The following TVP23C variants were observed in gnomAD, a reference collection of about 807,000 sequenced individuals.
TVP23C encodes the protein trans-golgi network vesicle protein 23 homolog C.
In TVP23C, 19 loss-of-function variants were observed where a neutral mutation model predicts 28.7. That is an observed-to-expected ratio of 0.66 (90% CI 0.46 to 0.97). The LOEUF (loss-of-function observed/expected upper bound fraction) is 0.97, where lower values mean the gene tolerates loss of function less well. Among genes scored for constraint, TVP23C ranks in the 50% least tolerant of loss-of-function variants. The pLI is 0.00. For missense variants in TVP23C, 186 were observed against 241.3 expected, an observed-to-expected ratio of 0.77 and a Z score of 1.52; for synonymous variants, 68 against 81.7, an observed-to-expected ratio of 0.83 and a Z score of 0.90.
intron 5 of TVP23C, among the ~76,000 whole-genome samples, chr17:15,523,518 A>G (rs182671754): frequency 6.7e-6 from 1 of 150,364 alleles, no homozygotes; most frequent in Admixed American, 6.7e-5. Flanking sequence ...CATGTTGGCC[A>G]GGCTAGTCTT....
At chr17:15,517,758 C>T (rs1370666073) in intron 5 of TVP23C, among the ~76,000 whole-genome samples, 2 of 152,168 alleles carry the variant, frequency 1.3e-5, no homozygotes, top group East Asian at 3.9e-4. Context: ...AGGTAAGTAA[C>T]ATCCAGATGA....
chr17:15,507,352 T>TATTA, intron 5 of TVP23C: 1 of 733,606 alleles, frequency 1.4e-6, no homozygotes, highest in South Asian at 1.4e-5. Flanking sequence ...ACAACTCTAA[T>TATTA]AAGTTTCACT....
At chr17:15,549,899 T>C (rs1983814237) in intron 3 of TVP23C, among the ~76,000 whole-genome samples, 1 of 151,558 alleles carries the variant, frequency 6.6e-6, no homozygotes, top group African/African-American at 2.4e-5. Flanking sequence ...GAGACCAAAA[T>C]TCCTATGGGA....
chr17:15,504,274 C>T (rs898205531), intron 5 of TVP23C, among the ~76,000 whole-genome samples: 2 of 152,174 alleles, frequency 1.3e-5, no homozygotes, highest in African/African-American at 4.8e-5. Context: ...CACCCTTTCT[C>T]CCTCCCTTTT....
intron 5 of TVP23C, among the ~76,000 whole-genome samples, chr17:15,517,302 T>A (rs1329515491): frequency 6.6e-6 from 1 of 152,236 alleles, no homozygotes; most frequent in Non-Finnish European, 1.5e-5. Context: ...CCTCCCAGCA[T>A]CTAACACAGT....
intron 5 of TVP23C, among the ~76,000 whole-genome samples, chr17:15,542,100 G>C (rs1353742860): frequency 6.6e-6 from 1 of 152,178 alleles, no homozygotes; most frequent in South Asian, 2.1e-4. Context: ...GCCAAAGAAA[G>C]AGCCAGGTTG....
intron 5 of TVP23C, among the ~76,000 whole-genome samples, 165 bp downstream of exon 5, chr17:15,545,620 T>C (rs1196676842): frequency 6.6e-6 from 1 of 152,272 alleles, no homozygotes; most frequent in Non-Finnish European, 1.5e-5. Flanking sequence ...TTCTCCAGTA[T>C]TATAGAGAAA....
chr17:15,554,918 A>G (rs1314968200), intron 2 of TVP23C, among the ~76,000 whole-genome samples: 1 of 152,216 alleles, frequency 6.6e-6, no homozygotes, highest in Admixed American at 6.5e-5. Flanking sequence ...GAATTTATTT[A>G]GAGAGAATTA....
rs755553016 is a variant in TVP23C, at chr17:15,545,846, C to G, written c.401G>C (p.Cys134Ser). Residue 134 changes from cysteine to serine, a missense_variant, in exon 5 of 6, where the codon TGT becomes TCT. By Grantham distance (112) the Cys-to-Ser change is moderately radical. Coordinates refer to ENST00000518321, the MANE Select transcript of TVP23C (RefSeq NM_001135036.2). ...GGCAAATATCACCCACAGTACTGAA[C>G]AGGCAATAAGTCCCAACCAAAAGAT... The part of the protein sequence containing the change: ...SRIFWLGLIA[C>S]SVLWVIFAFS... 6.2e-7 allele frequency: 1 copy of G among 1,614,122 alleles called. No individual in the cohort carries two copies. Among genetic ancestry groups the G allele is most frequent in the Non-Finnish European group, 8.5e-7 (1 of 1,179,994 alleles).
intron 5 of TVP23C, among the ~76,000 whole-genome samples, chr17:15,530,179 T>G (rs1025378781): frequency 1.3e-5 from 2 of 152,274 alleles, no homozygotes; most frequent in Non-Finnish European, 2.9e-5. Flanking sequence ...ACTTGTGGGA[T>G]ATCTGCTCTT....
chr17:15,550,198 T>C (rs936547215), intron 3 of TVP23C, among the ~76,000 whole-genome samples: 2 of 152,230 alleles, frequency 1.3e-5, no homozygotes, highest in Middle Eastern at 3.2e-3. Context: ...GTTTTTGACA[T>C]ATTCAGAAAG....
At chr17:15,554,087 AGAT>A (rs1018907797) in intron 2 of TVP23C, among the ~76,000 whole-genome samples, 145 of 152,296 alleles carry the variant, frequency 9.5e-4, no homozygotes, top group African/African-American at 3.4e-3. Flanking sequence ...TTCACAAAAT[AGAT>A]AATAAAGAAT....
rs1005446787 is a variant in TVP23C, at chr17:15,537,908, A to G, written c.*2504T>C. The stretch of plus-strand genomic sequence containing the variant: ...TACCTACACCACAGAACAAATCTTA[A>G]CAATGTTTCTAGTGCCAACATATAC... On this transcript the variant is annotated 3_prime_UTR_variant, in exon 6 of 6. Transcript: ENST00000518321. The G allele has an allele frequency of 1.4e-6, 2 of 1,432,166 alleles. No individual in the cohort carries two copies. The highest frequency in any genetic ancestry group is 1.4e-5 in the African/African-American group (1 of 69,498). The allele number at this position is 1,432,166 out of a possible 1,614,324, so 88.7% of individuals were successfully genotyped here.
intron 5 of TVP23C, among the ~76,000 whole-genome samples, chr17:15,519,987 TTAAGAG>T (rs1386825230): frequency 1.3e-5 from 2 of 152,030 alleles, no homozygotes; most frequent in Non-Finnish European, 1.5e-5. Context: ...ATGAAAAACT[TTAAGAG>T]TAAAAGGGAC....
At chr17:15,536,137 C>A (rs1484897001), downstream of TVP23C, among the ~76,000 whole-genome samples, 2 of 152,018 alleles carry the variant, frequency 1.3e-5, no homozygotes, top group Non-Finnish European at 1.5e-5. Context: ...TTGCAATGAT[C>A]CGAGATCACA....
intron 5 of TVP23C, among the ~76,000 whole-genome samples, chr17:15,517,152 G>A (rs1259826196): frequency 6.6e-6 from 1 of 152,164 alleles, no homozygotes; most frequent in Non-Finnish European, 1.5e-5. Context: ...GCCTTTTTGT[G>A]GACTACTTGG....
chr17:15,555,924 TTTGTTG>T (rs1984110503), intron 1 of TVP23C, among the ~76,000 whole-genome samples: 1 of 152,200 alleles, frequency 6.6e-6, no homozygotes, highest in South Asian at 2.1e-4. Context: ...ATCTTTCTTT[TTTGTTG>T]TTGTTGAAAT....
Position 15,538,180 on chromosome 17 carries a change from T to G in TVP23C, c.*2232A>C. Reference sequence around the variant, plus strand: ...CGCAAAAGACAAAAAAAGAACTCCTTAACATCAAAGTTATTTCACTTCACA... The same window carrying G: ...CGCAAAAGACAAAAAAAGAACTCCTGAACATCAAAGTTATTTCACTTCACA... On this transcript the variant is annotated 3_prime_UTR_variant, in exon 6 of 6. Coordinates refer to ENST00000518321, the MANE Select transcript of TVP23C (RefSeq NM_001135036.2). 1.2e-6 allele frequency: 2 copies of G among 1,613,750 alleles called. No individual in the cohort carries two copies. Among genetic ancestry groups the G allele is most frequent in the Non-Finnish European group, 1.7e-6 (2 of 1,179,824 alleles).
intron 5 of TVP23C, among the ~76,000 whole-genome samples, chr17:15,523,410 A>G (rs1324259802): frequency 6.6e-6 from 1 of 151,854 alleles, no homozygotes; most frequent in Non-Finnish European, 1.5e-5. Flanking sequence ...TCCCAGGTTC[A>G]AGCGATTCTC....
Sources: allele counts gnomAD v4.1 joint callset (sites outside exome capture counted in the v4.1 genomes callset), GRCh38; gene constraint gnomAD v4.1.1; transcripts MANE v1.5; gene names NCBI Gene and HGNC (gene_info 2026-07-23, HGNC 2026-07-21).